Variants in DCAF10 observed in about 807,000 individuals in gnomAD.
DCAF10 encodes the protein DDB1 and CUL4 associated factor 10.
A neutral mutation model predicts 51.9 loss-of-function variants in DCAF10; 19 were observed. The ratio of observed to expected loss-of-function variants is 0.37; its 90% CI spans 0.26 to 0.54. The LOEUF (loss-of-function observed/expected upper bound fraction) is 0.54, where lower values mean the gene tolerates loss of function less well. Ranked by LOEUF, DCAF10 falls within the 20% of genes least tolerant of loss-of-function variation. The pLI, the probability that DCAF10 is intolerant of heterozygous loss-of-function variation, is 0.87. For synonymous variants in DCAF10, 291 were observed against 297.1 expected (o/e 0.98, Z 0.21); for missense variants, 510 against 730.6 (o/e 0.70, Z 3.48).
chr9:37,847,944 G>A (rs555641097), intron 3 of DCAF10, among the ~76,000 whole-genome samples: 1 of 152,300 alleles, frequency 6.6e-6, no homozygotes, highest in South Asian at 2.1e-4. Flanking sequence ...AAAGAGGTAT[G>A]AGATTTGTAC....
chr9:37,808,642 A>T (rs867059278), intron 1 of DCAF10, among the ~76,000 whole-genome samples: 12 of 99,832 alleles, frequency 1.2e-4, no homozygotes, highest in Admixed American at 3.1e-4. Flanking sequence ...TAATATAAAA[A>T]TATATAATAT....
rs887406091 is a variant in DCAF10 at position 37,800,846 on chromosome 9, CG to C, written c.-15del. 11 of 1,483,050 alleles carry C rather than the reference CG, an allele frequency of 7.4e-6. No homozygotes were observed. Among genetic ancestry groups the C allele is most frequent in the Non-Finnish European group, 9.8e-6 (11 of 1,123,732 alleles). 91.9% of individuals were successfully genotyped at this position (1,483,050 alleles called of 1,614,324 possible). Reference sequence around the variant, plus strand: ...CGGCCGGCGGGGCAGTGGCCCGGAGCGGGGGGCGGGGGCGTTGATCATGTTT... The same window carrying C: ...CGGCCGGCGGGGCAGTGGCCCGGAGCGGGGGCGGGGGCGTTGATCATGTTT... On this transcript the variant is annotated 5_prime_UTR_variant, in exon 1 of 7. Coordinates refer to ENST00000377724, the MANE Select transcript of DCAF10 (RefSeq NM_024345.5).
chr9:37,859,208 G>A (rs1424995963), intron 5 of DCAF10, among the ~76,000 whole-genome samples: 2 of 152,192 alleles, frequency 1.3e-5, no homozygotes, highest in East Asian at 1.9e-4. Context: ...TAACACATCT[G>A]CTTGACAAGC....
rs1828946657 is a variant in DCAF10 at position 37,801,553 on chromosome 9, G to A, written c.539+148G>A. ...GCCTTCGTGCCTCCTGGCACTTTCT[G>A]AAGCGCATTCTCGCCCTTGGAATCC... On this transcript the variant is annotated intron_variant, in intron 1 of 6. Transcript: ENST00000377724. The surrounding 1 kb of genome is among the most constrained non-coding windows in gnomAD (Gnocchi z 5.5). 1 of 1,023,396 alleles carries A rather than the reference G, an allele frequency of 9.8e-7. No individual in the cohort carries two copies. Among genetic ancestry groups the A allele is most frequent in the Non-Finnish European group, 1.3e-6 (1 of 772,032 alleles). The allele number at this position is 1,023,396 out of a possible 1,614,324, so 63.4% of individuals were successfully genotyped here.
At chr9:37,840,583 CAA>C (rs970163928) in intron 2 of DCAF10, among the ~76,000 whole-genome samples, 2 of 151,984 alleles carry the variant, frequency 1.3e-5, no homozygotes, top group African/African-American at 2.4e-5. Context: ...GCTGTTATTA[CAA>C]AAGAGTCAAA....
intron 5 of DCAF10, among the ~76,000 whole-genome samples, chr9:37,858,039 T>C (rs1438388953): frequency 6.6e-6 from 1 of 150,864 alleles, no homozygotes; most frequent in Non-Finnish European, 1.5e-5. Flanking sequence ...ATGGCTTGCT[T>C]TTTTTTTTGT....
chr9:37,800,887 T>C lies in DCAF10; in HGVS notation c.21T>C (p.His7=), dbSNP rs1828900524. The C allele has an allele frequency of 6.7e-7, 1 of 1,497,976 alleles. No individual in the cohort carries two copies. The highest frequency in any genetic ancestry group is 8.8e-7 in the Non-Finnish European group (1 of 1,130,634). The allele number at this position is 1,497,976 out of a possible 1,614,324, so 92.8% of individuals were successfully genotyped here. The change falls in exon 1 of 7, where the codon CAT becomes CAC. Residue 7 remains histidine, a synonymous_variant. Coordinates refer to ENST00000377724, the MANE Select transcript of DCAF10 (RefSeq NM_024345.5). MFPFGP[H]SPGGDGSAGA... is the part of the protein sequence containing the mutation. ...TGATCATGTTTCCCTTTGGGCCCCA[T>C]AGCCCTGGAGGGGACGGATCGGCCG... is the stretch of plus-strand genomic sequence containing the variant.
intron 2 of DCAF10, among the ~76,000 whole-genome samples, chr9:37,839,226 T>A (rs1830262831): frequency 6.6e-6 from 1 of 151,444 alleles, no homozygotes; most frequent in African/African-American, 2.4e-5. Context: ...GCCCAGCTAA[T>A]TTTTTTTGTA....
At chr9:37,816,838 A>G (rs968831279) in intron 1 of DCAF10, among the ~76,000 whole-genome samples, 3 of 152,294 alleles carry the variant, frequency 2.0e-5, no homozygotes, top group African/African-American at 7.2e-5. Context: ...TATAAATTCT[A>G]CCTAAGTAAT....
At position 37,861,583 on chromosome 9, in the gene DCAF10, C is replaced by A; in HGVS notation, c.*75C>A. On this transcript the variant is annotated 3_prime_UTR_variant, in exon 7 of 7. Coordinates refer to ENST00000377724, the MANE Select transcript of DCAF10 (RefSeq NM_024345.5). This position sits in a 1 kb window ranked among gnomAD's most constrained non-coding sequence, Gnocchi z 4.9. ...TGCTTCAATTTAGATGAAGTATTTT[C>A]TTTTTAGAAGATCTTATAAGTTTGG... The A allele has an allele frequency of 2.0e-6, 3 of 1,524,692 alleles. No individual in the cohort carries two copies. The highest frequency in any genetic ancestry group is 2.2e-5 in the Admixed American group (1 of 46,052). The allele number at this position is 1,524,692 out of a possible 1,614,324, so 94.4% of individuals were successfully genotyped here. A position where few individuals can be genotyped will look rare whatever the true frequency, so the allele number is the denominator to read the frequency against.
chr9:37,804,294 C>T (rs551411237), intron 1 of DCAF10, among the ~76,000 whole-genome samples: 70 of 124,560 alleles, frequency 5.6e-4, no homozygotes, highest in Non-Finnish European at 1.1e-3. Flanking sequence ...CTATATGGTA[C>T]GCTTATACCA....
At chr9:37,816,659 G>GGGGTGT (rs372664140) in intron 1 of DCAF10, among the ~76,000 whole-genome samples, 79 of 144,888 alleles carry the variant, frequency 5.5e-4, no homozygotes, top group African/African-American at 1.8e-3. Flanking sequence ...CTGCACCTGG[G>GGGGTGT]GTGTGTGTGT....
intron 3 of DCAF10, among the ~76,000 whole-genome samples, chr9:37,850,848 A>G (rs1408674103): frequency 5.2e-4 from 22 of 42,368 alleles, no homozygotes; most frequent in Admixed American, 4.2e-3. Context: ...ATATATATAT[A>G]TATATATATA....
intron 2 of DCAF10, among the ~76,000 whole-genome samples, chr9:37,836,881 G>T (rs1425532962): frequency 6.6e-6 from 1 of 151,936 alleles, no homozygotes; most frequent in Non-Finnish European, 1.5e-5. Flanking sequence ...TTTGGGGGTG[G>T]TAACCAACCA....
chr9:37,806,426 C>G (rs1294908301), intron 1 of DCAF10, among the ~76,000 whole-genome samples: 1 of 152,164 alleles, frequency 6.6e-6, no homozygotes, highest in Non-Finnish European at 1.5e-5. Flanking sequence ...CCGTGCCTGG[C>G]AACCTCCAAC....
chr9:37,832,967 C>T (rs1453864178), intron 2 of DCAF10, among the ~76,000 whole-genome samples: 1 of 152,134 alleles, frequency 6.6e-6, no homozygotes, highest in Non-Finnish European at 1.5e-5. Context: ...TTGCTCACTG[C>T]AACTTCTGCC....
chr9:37,857,190 C>T (rs772638843), intron 4 of DCAF10, 51 bp from the exon 5 acceptor site: 3 of 1,369,162 alleles, frequency 2.2e-6, no homozygotes, highest in Admixed American at 2.3e-5. Flanking sequence ...AGTTAAGAGC[C>T]ACTACCAGAG....
At chr9:37,808,852 G>A (rs1473808012) in intron 1 of DCAF10, among the ~76,000 whole-genome samples, 5 of 120,710 alleles carry the variant, frequency 4.1e-5, no homozygotes, top group Non-Finnish European at 7.1e-5. Context: ...GGCACAGTGG[G>A]TCACACTTGT....
chr9:37,804,044 T>C (rs1297202223), intron 1 of DCAF10, among the ~76,000 whole-genome samples: 1 of 152,068 alleles, frequency 6.6e-6, no homozygotes. Context: ...TAAATTATAG[T>C]ATGTCAGACC....
Sources: allele counts gnomAD v4.1 joint callset (sites outside exome capture counted in the v4.1 genomes callset), GRCh38; gene constraint gnomAD v4.1.1; non-coding constraint Gnocchi (gnomAD v3.1); transcripts MANE v1.5; gene names NCBI Gene and HGNC (gene_info 2026-07-23, HGNC 2026-07-21).